Variants in NRXN3 observed in about 807,000 individuals in gnomAD.
NRXN3 encodes neurexin 3, also known as neurexin III.
In NRXN3, 32 loss-of-function variants were observed where a neutral mutation model predicts 137.6. The ratio of observed to expected loss-of-function variants is 0.23; its 90% CI spans 0.18 to 0.31. NRXN3 has a LOEUF of 0.31. Among genes scored for constraint, NRXN3 ranks in the 10% least tolerant of loss-of-function variants. The pLI is 1.00. For synonymous variants in NRXN3, 798 were observed against 784.5 expected, an observed-to-expected ratio of 1.02 and a Z score of -0.29; for missense variants, 1,574 against 2,062.5, an observed-to-expected ratio of 0.76 and a Z score of 4.59.
chr14:78,895,259 G>C (rs1396361507), intron 10 of NRXN3, among the ~76,000 whole-genome samples: 2 of 151,780 alleles, frequency 1.3e-5, no homozygotes, highest in African/African-American at 4.8e-5. Context: ...AATTATCTTA[G>C]CTGGATGTAA....
chr14:78,342,970 G>A (rs214009), intron 4 of NRXN3, among the ~76,000 whole-genome samples: 152,297 of 152,326 alleles, frequency 1, 76,134 homozygotes, highest in Non-Finnish European at 1. Context: ...GTGATTCTCT[G>A]CCATCAGAGA....
chr14:78,939,679 CAA>C (rs543231797), intron 10 of NRXN3, among the ~76,000 whole-genome samples: 4,065 of 152,270 alleles, frequency 0.027, 77 homozygotes, highest in Non-Finnish European at 0.04. Flanking sequence ...AGAATGGGAC[CAA>C]AATGGATGTC....
At chr14:78,914,396 A>G (rs976854493) in intron 10 of NRXN3, among the ~76,000 whole-genome samples, 1 of 152,210 alleles carries the variant, frequency 6.6e-6, no homozygotes, top group African/African-American at 2.4e-5. Flanking sequence ...TTAAAATTGT[A>G]TAACAGGTGG....
intron 19 of NRXN3, among the ~76,000 whole-genome samples, chr14:79,753,948 T>C (rs987953113): frequency 6.6e-6 from 1 of 151,900 alleles, no homozygotes; most frequent in African/African-American, 2.4e-5. Flanking sequence ...ATAACAGCCA[T>C]TTACACAGCA....
At chr14:79,128,561 C>T (rs1298626273) in intron 15 of NRXN3, among the ~76,000 whole-genome samples, 1 of 150,918 alleles carries the variant, frequency 6.6e-6, no homozygotes, top group South Asian at 2.1e-4. Context: ...TTTTGATGTG[C>T]TGCTGGATTC....
intron 15 of NRXN3, among the ~76,000 whole-genome samples, chr14:79,137,504 A>G (rs1187442488): frequency 6.6e-6 from 1 of 152,238 alleles, no homozygotes; most frequent in Non-Finnish European, 1.5e-5. Context: ...CCCTTCAAAC[A>G]ATATTAAAAT....
chr14:78,907,078 A>C (rs1026219788), intron 10 of NRXN3, among the ~76,000 whole-genome samples: 1 of 152,080 alleles, frequency 6.6e-6, no homozygotes, highest in Admixed American at 6.6e-5. Context: ...AGTAGAAGAT[A>C]TCTTTCAGAG....
At chr14:78,543,753 T>C (rs2096613173) in intron 4 of NRXN3, among the ~76,000 whole-genome samples, 1 of 152,316 alleles carries the variant, frequency 6.6e-6, no homozygotes, top group Non-Finnish European at 1.5e-5. Flanking sequence ...TGGATATCAA[T>C]GCTTTTATGG....
chr14:78,870,648 C>T (rs1033260558), intron 10 of NRXN3, among the ~76,000 whole-genome samples: 2 of 151,930 alleles, frequency 1.3e-5, no homozygotes, highest in African/African-American at 4.8e-5. Flanking sequence ...ACTGTGTTTT[C>T]GTGCCTTTTA....
intron 16 of NRXN3, among the ~76,000 whole-genome samples, chr14:79,539,455 T>C (rs1020058752): frequency 3.3e-5 from 5 of 152,216 alleles, no homozygotes; most frequent in African/African-American, 4.8e-5. Flanking sequence ...CCTGTGCTGT[T>C]TTATAAGCTG....
intron 8 of NRXN3, among the ~76,000 whole-genome samples, chr14:78,736,003 T>C (rs1484301783): frequency 6.6e-6 from 1 of 152,190 alleles, no homozygotes; most frequent in Non-Finnish European, 1.5e-5. Context: ...CTGAGAATTC[T>C]CATGACATTC....
chr14:79,616,550 C>CT (rs2098158385), intron 16 of NRXN3, among the ~76,000 whole-genome samples: 1 of 152,160 alleles, frequency 6.6e-6, no homozygotes. Flanking sequence ...AAGAAACTAC[C>CT]TATGGAGTGC....
At chr14:78,352,961 A>G (rs2083756567) in intron 4 of NRXN3, among the ~76,000 whole-genome samples, 1 of 152,156 alleles carries the variant, frequency 6.6e-6, no homozygotes, top group Admixed American at 6.5e-5. Flanking sequence ...CAGCCATTGA[A>G]AGGAGGATGG....
chr14:79,198,918 G>A (rs969302599), intron 15 of NRXN3, among the ~76,000 whole-genome samples: 6 of 152,200 alleles, frequency 3.9e-5, no homozygotes, highest in Non-Finnish European at 5.9e-5. Flanking sequence ...CTGTAATCCA[G>A]CACTTTGGGA....
chr14:78,552,079 G>A, intron 4 of NRXN3, among the ~76,000 whole-genome samples: 1 of 151,904 alleles, frequency 6.6e-6, no homozygotes, highest in East Asian at 1.9e-4. Context: ...TGTGTGGGGT[G>A]TGCCAGAATA....
intron 4 of NRXN3, among the ~76,000 whole-genome samples, chr14:78,454,001 A>T (rs2094615667): frequency 6.6e-6 from 1 of 152,208 alleles, no homozygotes; most frequent in South Asian, 2.1e-4. Context: ...GCTTTGTCGT[A>T]CTTTGTTGCC....
intron 16 of NRXN3, among the ~76,000 whole-genome samples, chr14:79,612,727 T>C (rs2098117791): frequency 6.6e-6 from 1 of 152,126 alleles, no homozygotes; most frequent in Non-Finnish European, 1.5e-5. Context: ...GGCACATGCC[T>C]GTAGTCCCAG....
chr14:79,454,969 G>A (rs1252545339), intron 15 of NRXN3, among the ~76,000 whole-genome samples: 1 of 152,036 alleles, frequency 6.6e-6, no homozygotes, highest in South Asian at 2.1e-4. Flanking sequence ...ATCAATTTTT[G>A]TAAGTGAAAT....
chr14:78,833,910 A>G (rs2098989188), intron 10 of NRXN3, among the ~76,000 whole-genome samples: 1 of 152,226 alleles, frequency 6.6e-6, no homozygotes, highest in Non-Finnish European at 1.5e-5. Context: ...CTGATAATGT[A>G]GTTGTGAACA....
Sources: gnomAD v4.1 joint callset for allele counts (sites outside exome capture counted in the v4.1 genomes callset) on GRCh38, gnomAD v4.1.1 for gene constraint, MANE v1.5 for transcripts, NCBI Gene and HGNC (gene_info 2026-07-23, HGNC 2026-07-21) for gene names.